The following KCNAB1 variants were observed in gnomAD, a reference collection of about 807,000 sequenced individuals.
The protein encoded by KCNAB1 is voltage-gated potassium channel subunit beta-1.
KCNAB1 carries 35 observed loss-of-function variants against 64.6 expected under a neutral mutation model. That is an observed-to-expected ratio of 0.54 (90% CI 0.41 to 0.72). The LOEUF (loss-of-function observed/expected upper bound fraction) is 0.72. Among genes scored for constraint, KCNAB1 ranks in the 30% least tolerant of loss-of-function variants. The pLI is 0.00. For synonymous variants in KCNAB1, 177 were observed against 183.8 expected, an observed-to-expected ratio of 0.96 and a Z score of 0.30; for missense variants, 401 against 512.9, an observed-to-expected ratio of 0.78 and a Z score of 2.11.
At chr3:156,419,594 T>C (rs1715334993) in intron 1 of KCNAB1, among the ~76,000 whole-genome samples, 1 of 151,978 alleles carries the variant, frequency 6.6e-6, no homozygotes, top group African/African-American at 2.4e-5. Flanking sequence ...TAGAGTTTTC[T>C]ACAAGTCACT....
At chr3:156,296,380 T>C (rs772487772) in intron 1 of KCNAB1, among the ~76,000 whole-genome samples, 1 of 152,172 alleles carries the variant, frequency 6.6e-6, no homozygotes, top group Non-Finnish European at 1.5e-5. Context: ...TCTGAAATTG[T>C]TATTTTAGTT....
intron 8 of KCNAB1, among the ~76,000 whole-genome samples, chr3:156,483,530 G>A (rs1197873935): frequency 6.6e-6 from 1 of 151,952 alleles, no homozygotes; most frequent in Non-Finnish European, 1.5e-5. Flanking sequence ...ATGACTCAGG[G>A]GTTACTAATC....
chr3:156,429,391 C>T (rs960527438), intron 2 of KCNAB1, among the ~76,000 whole-genome samples: 1 of 152,200 alleles, frequency 6.6e-6, no homozygotes, highest in African/African-American at 2.4e-5. Flanking sequence ...TAGGGCTGGC[C>T]TCAGGGCAGG....
intron 1 of KCNAB1, among the ~76,000 whole-genome samples, chr3:156,160,069 T>C (rs1425632615): frequency 1.3e-5 from 2 of 152,228 alleles, no homozygotes; most frequent in Non-Finnish European, 2.9e-5. Flanking sequence ...TAGTCAGGGA[T>C]GACTTCTTAG....
intron 2 of KCNAB1, among the ~76,000 whole-genome samples, chr3:156,433,871 G>T (rs982437000): frequency 6.6e-6 from 1 of 152,112 alleles, no homozygotes; most frequent in African/African-American, 2.4e-5. Flanking sequence ...ATGTTGCCCC[G>T]TGGTTGTATT....
In KCNAB1 at chr3:156,154,537, G is replaced by A. The variant is rs142283496; in HGVS notation, c.275+33651G>A. Among the ~76,000 whole-genome samples the A allele has an allele frequency of 3.7e-3, 559 of 152,196 alleles. 3 individuals carry two copies. The highest frequency in any genetic ancestry group is 0.013 in the African/African-American group (528 of 41,514). Reference sequence around the variant, plus strand: ...AGATAAATGCGCCAGAGGATTTTCTGTCTATTCAGTAATTGTGGATGAGTG... The same window carrying A: ...AGATAAATGCGCCAGAGGATTTTCTATCTATTCAGTAATTGTGGATGAGTG... On this transcript the variant is annotated intron_variant, in intron 1 of 13. Transcript: ENST00000490337.
chr3:156,378,721 T>A (rs191348063), intron 1 of KCNAB1, among the ~76,000 whole-genome samples: 26 of 152,244 alleles, frequency 1.7e-4, no homozygotes, highest in Admixed American at 6.5e-4. Flanking sequence ...CATCTTGCGG[T>A]CTCTAGAACC....
chr3:156,291,521 G>C (rs1720419902), intron 1 of KCNAB1: 1 of 1,074,106 alleles, frequency 9.3e-7, no homozygotes. Flanking sequence ...CCGGCTCCGC[G>C]AAGGGCTGCG....
At chr3:156,374,381 CCA>C (rs1560224183) in intron 1 of KCNAB1, among the ~76,000 whole-genome samples, 2 of 137,692 alleles carry the variant, frequency 1.5e-5, no homozygotes, top group South Asian at 2.2e-4. Context: ...CTAATTTTGG[CCA>C]TGAATTCCTG....
intron 2 of KCNAB1, among the ~76,000 whole-genome samples, chr3:156,450,431 A>G (rs1711906899): frequency 1.3e-5 from 2 of 152,166 alleles, no homozygotes; most frequent in African/African-American, 4.8e-5. Context: ...GCTATTCTCT[A>G]TATCTGTGTT....
Position 156,319,134 on chromosome 3 carries a change from A to G in KCNAB1, c.276-102482A>G, listed in dbSNP as rs1021585166. Among the ~76,000 whole-genome samples, 3 of 152,230 alleles carry G rather than the reference A, an allele frequency of 2.0e-5. No individual in the cohort carries two copies. In the East Asian group the frequency reaches 5.8e-4, roughly 29 times the overall value. On this transcript the variant is annotated intron_variant, in intron 1 of 13. Transcript: ENST00000490337. The stretch of plus-strand genomic sequence containing the variant: ...GATAAGTTGCAAGGGAACATGGAAC[A>G]ACTTAGAAAGATACAGGAGGAACCA...
At chr3:156,319,524 A>C (rs930228344) in intron 1 of KCNAB1, among the ~76,000 whole-genome samples, 3 of 152,214 alleles carry the variant, frequency 2.0e-5, no homozygotes, top group Non-Finnish European at 2.9e-5. Context: ...AAACTTAAGA[A>C]GGGCAGGGAA....
At chr3:156,260,744 A>G (rs1718382529) in intron 1 of KCNAB1, among the ~76,000 whole-genome samples, 1 of 152,110 alleles carries the variant, frequency 6.6e-6, no homozygotes, top group South Asian at 2.1e-4. Flanking sequence ...CTTTATGTGG[A>G]CACACATTTT....
At chr3:156,120,982 T>C in intron 1 of KCNAB1, 96 bp downstream of exon 1, 1 of 1,426,714 alleles carries the variant, frequency 7.0e-7, no homozygotes, top group Non-Finnish European at 9.5e-7. Context: ...CTGGAAGTCT[T>C]AACGGCTCTA....
chr3:156,320,731 G>A (rs920145788), intron 1 of KCNAB1, among the ~76,000 whole-genome samples: 2 of 152,136 alleles, frequency 1.3e-5, no homozygotes, highest in Admixed American at 6.5e-5. Flanking sequence ...ACCTCCACAA[G>A]GCCTGTCCAG....
intron 1 of KCNAB1, among the ~76,000 whole-genome samples, chr3:156,354,824 G>A (rs139752735): frequency 2.0e-5 from 3 of 151,946 alleles, no homozygotes; most frequent in Admixed American, 6.5e-5. Context: ...AAACTAAGGC[G>A]TTACAACTTG....
chr3:156,404,108 C>T (rs1240877616), intron 1 of KCNAB1, among the ~76,000 whole-genome samples: 2 of 152,142 alleles, frequency 1.3e-5, no homozygotes, highest in Admixed American at 6.5e-5. Context: ...GAGATTTCCC[C>T]TGTAAAAACG....
intron 1 of KCNAB1, among the ~76,000 whole-genome samples, chr3:156,322,625 C>G (rs745694731): frequency 6.6e-6 from 1 of 151,940 alleles, no homozygotes; most frequent in Non-Finnish European, 1.5e-5. Flanking sequence ...GCACAGAGAC[C>G]GAGAGATGAC....
intron 1 of KCNAB1, among the ~76,000 whole-genome samples, chr3:156,319,696 A>G (rs1722528448): frequency 6.6e-6 from 1 of 152,188 alleles, no homozygotes; most frequent in Non-Finnish European, 1.5e-5. Context: ...CATGAAATGC[A>G]CTGACTATAT....
Sources: gnomAD v4.1 joint callset for allele counts (sites outside exome capture counted in the v4.1 genomes callset) on GRCh38, gnomAD v4.1.1 for gene constraint, MANE v1.5 for transcripts, NCBI Gene and HGNC (gene_info 2026-07-23, HGNC 2026-07-21) for gene names.